Variants in CIB2 observed in about 807,000 individuals in gnomAD.
CIB2 encodes the protein calcium and integrin binding family member 2, also known as calcium and integrin-binding family member 2.
A neutral mutation model predicts 23.1 loss-of-function variants in CIB2; 19 were observed. That is an observed-to-expected ratio of 0.82 (90% CI 0.57 to 1.21). CIB2 has a LOEUF of 1.21. Among genes scored for constraint, CIB2 ranks in the 50% most tolerant of loss-of-function variants. The pLI is 0.00. For missense variants in CIB2, 220 were observed against 241.5 expected (o/e 0.91, Z 0.59); for synonymous variants, 94 against 91.7 (o/e 1.03, Z -0.14).
At chr15:78,123,279 C>G (rs2074342491) in intron 2 of CIB2, among the ~76,000 whole-genome samples, 1 of 152,146 alleles carries the variant, frequency 6.6e-6, no homozygotes. Context: ...ACAGGGACTC[C>G]CTGCTATACC....
At chr15:78,107,945 G>A (rs954740174) in intron 4 of CIB2, among the ~76,000 whole-genome samples, 1 of 152,176 alleles carries the variant, frequency 6.6e-6, no homozygotes, top group Non-Finnish European at 1.5e-5. Flanking sequence ...GCCAAGGCAG[G>A]CAGATCACCT....
rs573534568 is a variant in CIB2 at position 78,127,117 on chromosome 15, A to G, written c.52-3378T>C. 4.6e-5 allele frequency among the ~76,000 whole-genome samples: 7 copies of G among 152,306 alleles called. No homozygotes were observed. In the South Asian group the frequency reaches 1.0e-3, roughly 23 times the overall value. Reference sequence around the variant, plus strand: ...AAGGTACAGGAAGTCTATAGGCCCCAGCTGATAGGAAAGAGTACAACAGCT... The same window carrying G: ...AAGGTACAGGAAGTCTATAGGCCCCGGCTGATAGGAAAGAGTACAACAGCT... On this transcript the variant is annotated intron_variant, in intron 1 of 5. Coordinates refer to ENST00000258930, the MANE Select transcript of CIB2 (RefSeq NM_006383.4).
chr15:78,124,666 C>A lies in CIB2; in HGVS notation c.52-927G>T, dbSNP rs554724659. Among the ~76,000 whole-genome samples the A allele has an allele frequency of 3.9e-5, 6 of 152,296 alleles. 1 individual carries two copies. The South Asian group carries it at 1.2e-3, about 32-fold the overall frequency. ...GTGCACCTCCCCTGCTGTTTAGCTC[C>A]TCCGCCTTTGTCCACTGTTACAGCA... On this transcript the variant is annotated intron_variant, in intron 1 of 5. Coordinates refer to ENST00000258930, the MANE Select transcript of CIB2 (RefSeq NM_006383.4).
At chr15:78,127,174 C>T (rs990940583) in intron 1 of CIB2, among the ~76,000 whole-genome samples, 1 of 152,138 alleles carries the variant, frequency 6.6e-6, no homozygotes, top group African/African-American at 2.4e-5. Context: ...AAGGCATCTC[C>T]CCAGAGTCGG....
chr15:78,120,054 C>A (rs1287191964), intron 2 of CIB2, among the ~76,000 whole-genome samples: 2 of 151,950 alleles, frequency 1.3e-5, no homozygotes, highest in Admixed American at 1.3e-4. Context: ...GCACACACCA[C>A]CAGACCTGGC....
intron 2 of CIB2, among the ~76,000 whole-genome samples, chr15:78,116,106 A>G (rs2074237132): frequency 6.6e-6 from 1 of 152,018 alleles, no homozygotes; most frequent in African/African-American, 2.4e-5. Context: ...TTTACATTGT[A>G]TTAGGTGTTA....
intron 1 of CIB2, among the ~76,000 whole-genome samples, chr15:78,126,236 G>A (rs1162222345): frequency 2.7e-5 from 4 of 149,200 alleles, no homozygotes; most frequent in African/African-American, 9.9e-5. Context: ...TCCGCCTCCT[G>A]GGTTCAAGTG....
chr15:78,124,007 A>G (rs371060997), intron 1 of CIB2, among the ~76,000 whole-genome samples: 1 of 151,688 alleles, frequency 6.6e-6, no homozygotes, highest in East Asian at 2.0e-4. Context: ...TAGGGTACAC[A>G]TGTAGGAGGA....
chr15:78,114,488 C>T (rs545072351), intron 2 of CIB2, among the ~76,000 whole-genome samples: 3 of 152,274 alleles, frequency 2.0e-5, no homozygotes, highest in South Asian at 4.1e-4. Context: ...ACCATACTTA[C>T]GCTACTTGAA....
intron 2 of CIB2, among the ~76,000 whole-genome samples, chr15:78,119,209 A>G (rs1334051380): frequency 6.6e-6 from 1 of 151,864 alleles, no homozygotes; most frequent in Non-Finnish European, 1.5e-5. Flanking sequence ...TCATTTTGTG[A>G]CTGCTTATTT....
intron 1 of CIB2, among the ~76,000 whole-genome samples, chr15:78,127,570 C>T (rs138335161): frequency 6.6e-6 from 1 of 152,290 alleles, no homozygotes; most frequent in African/African-American, 2.4e-5. Flanking sequence ...CTGGAGTGCC[C>T]TCTCCTCTTT....
intron 1 of CIB2, among the ~76,000 whole-genome samples, chr15:78,129,272 A>C (rs913835572): frequency 2.2e-4 from 34 of 152,068 alleles, no homozygotes; most frequent in African/African-American, 8.0e-4. Flanking sequence ...CTCAGGTTTC[A>C]CAGCTCTCAT....
At chr15:78,129,315 G>C (rs762276940) in intron 1 of CIB2, among the ~76,000 whole-genome samples, 9 of 152,082 alleles carry the variant, frequency 5.9e-5, no homozygotes, top group Non-Finnish European at 1.2e-4. Context: ...GTCTAGCTAG[G>C]CTCTGGCAAA....
rs371015361 is a variant in CIB2 at position 78,111,198 on chromosome 15, G to C, written c.165C>G (p.Pro55=). ...DYRKSPIVHV[P]MSLIIQMPEL... is the part of the protein sequence containing the mutation. The stretch of plus-strand genomic sequence containing the variant: ...CTGGCATCTGGATGATGAGGCTCAT[G>C]GGCACGTGGACGATGGGGCTCTTCC... Residue 55 remains proline, a synonymous_variant, in exon 3 of 6, where the codon CCC becomes CCG. Coordinates refer to ENST00000258930, the MANE Select transcript of CIB2 (RefSeq NM_006383.4). 3 of 1,614,044 alleles carry C rather than the reference G, an allele frequency of 1.9e-6. No homozygotes were observed. Among genetic ancestry groups the C allele is most frequent in the Non-Finnish European group, 2.5e-6 (3 of 1,180,022 alleles).
At chr15:78,124,306 G>A (rs1335834926) in intron 1 of CIB2, among the ~76,000 whole-genome samples, 1 of 152,050 alleles carries the variant, frequency 6.6e-6, no homozygotes, top group African/African-American at 2.4e-5. Flanking sequence ...GGAGTGAAGA[G>A]GCCAGGGAGA....
rs2141878424 is a variant in CIB2 at position 78,104,768 on chromosome 15, G to C, written c.*543C>G. The C allele has an allele frequency of 6.2e-6, 1 of 161,476 alleles. No homozygotes were observed. Among genetic ancestry groups the C allele is most frequent in the East Asian group, 1.8e-4 (1 of 5,668 alleles). 10.0% of individuals were successfully genotyped at this position (161,476 alleles called of 1,614,324 possible). On this transcript the variant is annotated 3_prime_UTR_variant, in exon 6 of 6. Transcript: ENST00000258930. This position sits in a 1 kb window ranked among gnomAD's most constrained non-coding sequence, Gnocchi z 4.4. ...ACTCATGACCCAGAGGCAGAGACAG[G>C]AGCAAGAGCCCTTGGGCCCACTGCA...
At position 78,111,374 on chromosome 15, in the gene CIB2, T is replaced by G. The variant is rs1184943747; in HGVS notation, c.87-98A>C. On this transcript the variant is annotated intron_variant, in intron 2 of 5. Coordinates refer to ENST00000258930, the MANE Select transcript of CIB2 (RefSeq NM_006383.4). The stretch of plus-strand genomic sequence containing the variant: ...CCTAGGCCTCTGCCTCTGCAGAACA[T>G]CCTCAGCCAGGACCAGGTAAGGGGC... 20 of 939,054 alleles carry G rather than the reference T, an allele frequency of 2.1e-5. No homozygotes were observed. The Admixed American group carries it at 4.8e-4, about 23-fold the overall frequency. The allele number at this position is 939,054 out of a possible 1,614,324, so 58.2% of individuals were successfully genotyped here.
chr15:78,129,477 C>G (rs778360680), intron 1 of CIB2, among the ~76,000 whole-genome samples: 5 of 151,924 alleles, frequency 3.3e-5, no homozygotes, highest in Admixed American at 6.6e-5. Context: ...AAGCCTTTAT[C>G]CACGCTGTCC....
chr15:78,107,892 C>G (rs2074094507), intron 4 of CIB2, among the ~76,000 whole-genome samples: 1 of 152,192 alleles, frequency 6.6e-6, no homozygotes, highest in South Asian at 2.1e-4. Flanking sequence ...AAACGTCAGT[C>G]TGGGCGTGGT....
Sources: gnomAD v4.1 joint callset for allele counts (sites outside exome capture counted in the v4.1 genomes callset) on GRCh38, gnomAD v4.1.1 for gene constraint, Gnocchi (gnomAD v3.1) non-coding constraint, MANE v1.5 for transcripts, NCBI Gene and HGNC (gene_info 2026-07-23, HGNC 2026-07-21) for gene names.